The following CD55 variants were observed in gnomAD, a reference collection of about 807,000 sequenced individuals.
CD55 encodes CD55 molecule (Cromer blood group), also known as complement decay-accelerating factor.
Under a neutral mutation model 45.8 loss-of-function variants are expected in CD55, and 41 were observed. That is an observed-to-expected ratio of 0.90 (90% CI 0.70 to 1.16). The LOEUF (loss-of-function observed/expected upper bound fraction) is 1.16. Ranked by LOEUF, CD55 falls within the 50% of genes most tolerant of loss-of-function variation. The pLI is 0.00. For missense variants in CD55, 416 were observed against 469.8 expected (o/e 0.89, Z 1.06); for synonymous variants, 181 against 181.1 (o/e 1.00, Z 0.01).
chr1:207,355,916 T>G (rs964056211), intron 9 of CD55, among the ~76,000 whole-genome samples: 1 of 152,212 alleles, frequency 6.6e-6, no homozygotes, highest in African/African-American at 2.4e-5. Flanking sequence ...ATTTGAGCAT[T>G]GTGATATTCT....
At chr1:207,322,610 T>C (rs1354270363) in intron 2 of CD55, 43 bp downstream of exon 2, 2 of 1,482,500 alleles carry the variant, frequency 1.3e-6, no homozygotes, top group African/African-American at 1.4e-5. Context: ...GAATGGAATG[T>C]ATCTTAAATT....
At chr1:207,327,997 G>A (rs192064703) in intron 5 of CD55, among the ~76,000 whole-genome samples, 44 of 152,226 alleles carry the variant, frequency 2.9e-4, no homozygotes, top group Admixed American at 5.9e-4. Flanking sequence ...GGAAAAGCTG[G>A]GCCATATCTT....
intron 9 of CD55, chr1:207,354,329 A>G: frequency 1.5e-6 from 1 of 663,380 alleles, no homozygotes; most frequent in Non-Finnish European, 1.9e-6. Flanking sequence ...TGGAAACAAG[A>G]TATTAAGTGC....
chr1:207,326,662 A>G (rs1289823117), intron 4 of CD55, 90 bp from the exon 5 acceptor site: 5 of 922,132 alleles, frequency 5.4e-6, no homozygotes, highest in Non-Finnish European at 8.8e-6. Context: ...ATTGTGTAGT[A>G]AATATTTTAA....
intron 9 of CD55, among the ~76,000 whole-genome samples, chr1:207,357,451 T>C (rs1656119498): frequency 6.6e-6 from 1 of 152,046 alleles, no homozygotes; most frequent in Admixed American, 6.5e-5. Flanking sequence ...AACTTTCCTT[T>C]TGAAATACTG....
At chr1:207,356,234 T>A (rs1460681461) in intron 9 of CD55, among the ~76,000 whole-genome samples, 4 of 152,214 alleles carry the variant, frequency 2.6e-5, no homozygotes, top group African/African-American at 7.2e-5. Context: ...TGATGATTTT[T>A]AAAAATTTAT....
At chr1:207,321,912 G>A in intron 1 of CD55, 47 bp downstream of exon 1, 1 of 1,333,092 alleles carries the variant, frequency 7.5e-7, no homozygotes, top group Non-Finnish European at 1.0e-6. Context: ...CTGGGTGGGA[G>A]GTCCAAGTCG....
chr1:207,340,778 T>C (rs778585169), intron 9 of CD55: 1 of 448,690 alleles, frequency 2.2e-6, no homozygotes, highest in Non-Finnish European at 3.9e-6. Flanking sequence ...CTTTTTGATA[T>C]ATTGGTTTTA....
chr1:207,336,875 A>G, intron 7 of CD55, 57 bp downstream of exon 7: 4 of 1,602,982 alleles, frequency 2.5e-6, no homozygotes, highest in South Asian at 1.1e-5. Flanking sequence ...TTCAGCTACA[A>G]GAACCCCACC....
At chr1:207,330,143 C>T (rs572793308) in intron 5 of CD55, among the ~76,000 whole-genome samples, 3 of 152,114 alleles carry the variant, frequency 2.0e-5, no homozygotes, top group South Asian at 2.1e-4. Context: ...AATGTTTGAA[C>T]TGAACCAATG....
chr1:207,323,007 A>G (rs920501837), intron 2 of CD55, among the ~76,000 whole-genome samples: 1 of 152,178 alleles, frequency 6.6e-6, no homozygotes, highest in East Asian at 1.9e-4. Flanking sequence ...TATAGGGTAC[A>G]TGTGATATTC....
At chr1:207,345,976 T>C (rs1336103804) in intron 9 of CD55, among the ~76,000 whole-genome samples, 1 of 152,226 alleles carries the variant, frequency 6.6e-6, no homozygotes, top group Non-Finnish European at 1.5e-5. Flanking sequence ...AGTTTGCCTG[T>C]CCTTGGGCCC....
intron 5 of CD55, 81 bp from the exon 6 acceptor site, chr1:207,331,027 T>A: frequency 9.7e-7 from 1 of 1,033,414 alleles, no homozygotes; most frequent in Non-Finnish European, 1.4e-6. Context: ...TAAAATATAA[T>A]CTTTAACATG....
chr1:207,345,205 A>C (rs944282348), intron 9 of CD55, among the ~76,000 whole-genome samples: 1 of 152,098 alleles, frequency 6.6e-6, no homozygotes, highest in Non-Finnish European at 1.5e-5. Flanking sequence ...AGGGTGTCCC[A>C]TATGTCATGT....
rs1558140250 is a variant in CD55, at chr1:207,322,230, CGACAGA to C, written c.101-150_101-145del. 4 of 758,104 alleles carry C rather than the reference CGACAGA, an allele frequency of 5.3e-6. No homozygotes were observed. The South Asian group carries it at 5.8e-5, about 11-fold the overall frequency. The allele number at this position is 758,104 out of a possible 1,614,324, so 47.0% of individuals were successfully genotyped here. A position where few individuals can be genotyped will look rare whatever the true frequency, so the allele number is the denominator to read the frequency against. On this transcript the variant is annotated intron_variant, in intron 1 of 9. Coordinates refer to ENST00000367064, the MANE Select transcript of CD55 (RefSeq NM_000574.5). Reference sequence around the variant, plus strand: ...CAGACCGCTGACCGTTCCCCACTCTCGACAGAGTCCAGCCGTGTGGAGCACACGATG... The same window carrying C: ...CAGACCGCTGACCGTTCCCCACTCTCGTCCAGCCGTGTGGAGCACACGATG...
intron 5 of CD55, among the ~76,000 whole-genome samples, chr1:207,327,191 A>G (rs1276451560): frequency 6.6e-6 from 1 of 152,202 alleles, no homozygotes; most frequent in Non-Finnish European, 1.5e-5. Flanking sequence ...AAATAGTGTC[A>G]ATCAGAGGGT....
At chr1:207,322,997 T>C (rs1399639523) in intron 2 of CD55, among the ~76,000 whole-genome samples, 7 of 152,220 alleles carry the variant, frequency 4.6e-5, no homozygotes, top group Admixed American at 4.6e-4. Context: ...TGTACATATT[T>C]ATAGGGTACA....
At chr1:207,331,770 C>T (rs2102397562) in intron 6 of CD55, among the ~76,000 whole-genome samples, 1 of 152,260 alleles carries the variant, frequency 6.6e-6, no homozygotes, top group East Asian at 1.9e-4. Context: ...CTATTATTAT[C>T]CATTCTCCTT....
At chr1:207,332,422 A>T (rs1654989312) in intron 6 of CD55, among the ~76,000 whole-genome samples, 1 of 152,150 alleles carries the variant, frequency 6.6e-6, no homozygotes, top group Non-Finnish European at 1.5e-5. Flanking sequence ...TAACAAAGGT[A>T]TGTGAATTAC....
Sources: allele counts gnomAD v4.1 joint callset (sites outside exome capture counted in the v4.1 genomes callset), GRCh38; gene constraint gnomAD v4.1.1; transcripts MANE v1.5; gene names NCBI Gene and HGNC (gene_info 2026-07-23, HGNC 2026-07-21).